Variants in EVI5 observed in about 807,000 individuals in gnomAD.
The protein encoded by EVI5 is ecotropic viral integration site 5, also known as ecotropic viral integration site 5 protein homolog.
Under a neutral mutation model 112.0 loss-of-function variants are expected in EVI5, and 73 were observed. That is an observed-to-expected ratio of 0.65 (90% CI 0.54 to 0.79). The LOEUF (loss-of-function observed/expected upper bound fraction) is 0.79, where lower values mean the gene tolerates loss of function less well. EVI5 is among the 30% of genes least tolerant of loss of function. The pLI, the probability that EVI5 is intolerant of heterozygous loss-of-function variation, is 0.00. For synonymous variants in EVI5, 305 were observed against 319.9 expected (o/e 0.95, Z 0.50); for missense variants, 900 against 968.8 (o/e 0.93, Z 0.94).
intron 9 of EVI5, among the ~76,000 whole-genome samples, chr1:92,678,883 T>C (rs1333729443): frequency 1.3e-5 from 2 of 152,214 alleles, no homozygotes; most frequent in Admixed American, 1.3e-4. Context: ...ATACCCACTC[T>C]GGGGTTTAGA....
intron 18 of EVI5, among the ~76,000 whole-genome samples, chr1:92,571,388 C>A (rs1348859573): frequency 1.3e-5 from 2 of 151,866 alleles, no homozygotes; most frequent in African/African-American, 4.8e-5. Context: ...TCTGATTCAA[C>A]AGTCTGCCTT....
chr1:92,565,511 G>A (rs1669302053), intron 18 of EVI5, among the ~76,000 whole-genome samples: 1 of 152,102 alleles, frequency 6.6e-6, no homozygotes, highest in African/African-American at 2.4e-5. Context: ...GGGTTGCTGT[G>A]AAAAGCATTT....
chr1:92,698,134 A>G (rs1395703539), intron 5 of EVI5, 149 bp from the exon 6 acceptor site: 3 of 694,788 alleles, frequency 4.3e-6, no homozygotes, highest in Non-Finnish European at 7.2e-6. Flanking sequence ...TAAGAATCAG[A>G]AAGTTCTAGT....
At chr1:92,736,309 A>G in intron 2 of EVI5, 89 bp downstream of exon 2, 1 of 872,258 alleles carries the variant, frequency 1.1e-6, no homozygotes, top group Non-Finnish European at 1.8e-6. Flanking sequence ...TAAGAAACCA[A>G]AAAATAGAAA....
rs545740242 is a variant in EVI5 at position 92,609,837 on chromosome 1, T to C, written c.1828-2110A>G. ...TCATCTTTACTTTTACTTGTCTTCC[T>C]GTAACACATACTCTAGTCGTTCTCA... is the stretch of plus-strand genomic sequence containing the variant. On this transcript the variant is annotated intron_variant, in intron 16 of 19. Coordinates refer to ENST00000684568, the MANE Select transcript of EVI5 (RefSeq NM_001350197.2). Among the ~76,000 whole-genome samples, 239 of 152,202 alleles carry C rather than the reference T, an allele frequency of 1.6e-3. 1 individual carries two copies. The highest frequency in any genetic ancestry group is 3.1e-3 in the South Asian group (15 of 4,820).
chr1:92,705,853 T>G (rs573648076), intron 2 of EVI5, among the ~76,000 whole-genome samples: 1 of 152,208 alleles, frequency 6.6e-6, no homozygotes, highest in African/African-American at 2.4e-5. Flanking sequence ...AAAATAAACA[T>G]ATAGAGGTCA....
At chr1:92,650,177 T>C (rs190131677) in intron 13 of EVI5, among the ~76,000 whole-genome samples, 169 of 152,340 alleles carry the variant, frequency 1.1e-3, no homozygotes, top group African/African-American at 4.0e-3. Context: ...TGCAATTCCA[T>C]GTGAATTTTA....
intron 1 of EVI5, among the ~76,000 whole-genome samples, chr1:92,765,383 T>C (rs748046987): frequency 6.6e-6 from 1 of 151,624 alleles, no homozygotes; most frequent in African/African-American, 2.4e-5. Flanking sequence ...TCCTTTAATA[T>C]CATAATCACA....
At chr1:92,686,076 C>G (rs1414799939) in intron 9 of EVI5, among the ~76,000 whole-genome samples, 3 of 152,142 alleles carry the variant, frequency 2.0e-5, no homozygotes, top group Admixed American at 6.5e-5. Flanking sequence ...GATACCAAAG[C>G]CTGGTAGAGA....
At chr1:92,660,970 AAGAG>A (rs1411600952) in intron 13 of EVI5, among the ~76,000 whole-genome samples, 1 of 152,052 alleles carries the variant, frequency 6.6e-6, no homozygotes, top group Non-Finnish European at 1.5e-5. Flanking sequence ...TTAAAAGTGA[AAGAG>A]AGAGACCTGA....
chr1:92,642,788 T>C (rs1384243330), intron 13 of EVI5, among the ~76,000 whole-genome samples: 2 of 139,482 alleles, frequency 1.4e-5, no homozygotes, highest in Non-Finnish European at 3.1e-5. Flanking sequence ...TCAGAAGAAA[T>C]CCTGTCTAGC....
intron 1 of EVI5, among the ~76,000 whole-genome samples, chr1:92,766,921 A>T (rs1425556359): frequency 2.0e-5 from 3 of 152,098 alleles, no homozygotes; most frequent in African/African-American, 4.8e-5. Flanking sequence ...GTCCCTACTG[A>T]AAATACAAAA....
chr1:92,790,138 C>T (rs1469638854), intron 1 of EVI5, among the ~76,000 whole-genome samples: 1 of 152,040 alleles, frequency 6.6e-6, no homozygotes, highest in Non-Finnish European at 1.5e-5. Flanking sequence ...ATAGTCAGAC[C>T]CTATCTGTAC....
In EVI5 at chr1:92,634,353, T is replaced by C. The variant is rs143947820; in HGVS notation, c.1527+1849A>G. ...GATTTGGTCTTTTCACATAGTCCCA[T>C]ATTTCTTGGAGACTTTTTTCGTTTC... is the stretch of plus-strand genomic sequence containing the variant. On this transcript the variant is annotated intron_variant, in intron 14 of 19. Transcript: ENST00000684568. 4.2e-3 allele frequency among the ~76,000 whole-genome samples: 643 copies of C among 152,324 alleles called. 7 individuals are homozygous for C. Among genetic ancestry groups the C allele is most frequent in the South Asian group, 0.016 (77 of 4,818 alleles).
chr1:92,600,782 T>C lies in EVI5; in HGVS notation c.2070+4525A>G, dbSNP rs1648993137. Among the ~76,000 whole-genome samples the C allele has an allele frequency of 2.0e-5, 3 of 152,194 alleles. No individual in the cohort carries two copies. The South Asian group carries it at 6.2e-4, about 31-fold the overall frequency. ...TGCTGCTGGCTGCCCGCTCACCTCC[T>C]GCTGTGCGGCCCGGTTCCTAACAGG... On this transcript the variant is annotated intron_variant, in intron 18 of 19. Transcript: ENST00000684568.
At position 92,606,924 on chromosome 1, in the gene EVI5, C is replaced by CACCCA. The variant is rs1557886813; in HGVS notation, c.1974+656_1974+657insTGGGT. ...CACACACACACACACACACACACAC[C>CACCCA]CCCCCAAACCCTCCCTCCTCTCCTT... On this transcript the variant is annotated intron_variant, in intron 17 of 19. Coordinates refer to ENST00000684568, the MANE Select transcript of EVI5 (RefSeq NM_001350197.2). Among the ~76,000 whole-genome samples, 14 of 91,496 alleles carry CACCCA rather than the reference C, an allele frequency of 1.5e-4. 1 individual carries two copies. Among genetic ancestry groups the CACCCA allele is most frequent in the African/African-American group, 4.3e-4 (12 of 28,050 alleles). 60.0% of individuals were successfully genotyped at this position (91,496 alleles called of 152,430 possible).
At chr1:92,733,988 T>A (rs1166687781) in intron 2 of EVI5, among the ~76,000 whole-genome samples, 1 of 152,188 alleles carries the variant, frequency 6.6e-6, no homozygotes, top group East Asian at 1.9e-4. Context: ...AAACTTCAGT[T>A]TTCTCTTACA....
chr1:92,530,834 C>G (rs1662749591), intron 19 of EVI5, among the ~76,000 whole-genome samples: 1 of 151,912 alleles, frequency 6.6e-6, no homozygotes, highest in Non-Finnish European at 1.5e-5. Context: ...GGGGAGAAAC[C>G]AGTGTAAAAA....
chr1:92,764,425 C>T (rs1682316227), intron 1 of EVI5, among the ~76,000 whole-genome samples: 1 of 152,180 alleles, frequency 6.6e-6, no homozygotes, highest in Non-Finnish European at 1.5e-5. Context: ...GGCAAGAATT[C>T]TTTCCATAAT....
Sources: gnomAD v4.1 joint callset for allele counts (sites outside exome capture counted in the v4.1 genomes callset) on GRCh38, gnomAD v4.1.1 for gene constraint, MANE v1.5 for transcripts, NCBI Gene and HGNC (gene_info 2026-07-23, HGNC 2026-07-21) for gene names.